The following DGKQ variants were observed in gnomAD, a reference collection of about 807,000 sequenced individuals.
The protein encoded by DGKQ is DAG kinase theta.
Under a neutral mutation model 104.2 loss-of-function variants are expected in DGKQ, and 97 were observed. The ratio of observed to expected loss-of-function variants is 0.93; its 90% CI spans 0.79 to 1.10. DGKQ has a LOEUF of 1.10. DGKQ is among the 50% of genes least tolerant of loss of function. The probability of loss-of-function intolerance (pLI) is 0.00; values close to 1 mark genes in which losing one functional copy is unlikely to be tolerated. For synonymous variants in DGKQ, 736 were observed against 595.2 expected, an observed-to-expected ratio of 1.24 and a Z score of -3.44; for missense variants, 1,465 against 1,352.1, an observed-to-expected ratio of 1.08 and a Z score of -1.31.
chr4:967,006 G>GAGGTCACTC lies in DGKQ; in HGVS notation c.1268_1269insGAGTGACCT (p.Ala423_Arg424insSerAspLeu). On this transcript the variant is annotated inframe_insertion, in exon 10 of 23. Transcript: ENST00000273814. ...GCAGGACCTCCAGCACCACAGAGCG[G>GAGGTCACTC]GCCGTGCTCTTCGGGGTCACTCGCA... is the stretch of plus-strand genomic sequence containing the variant. The GAGGTCACTC allele has an allele frequency of 1.9e-6, 3 of 1,565,572 alleles. No homozygotes were observed. Among genetic ancestry groups the GAGGTCACTC allele is most frequent in the Non-Finnish European group, 2.6e-6 (3 of 1,157,520 alleles).
At position 973,339 on chromosome 4, in the gene DGKQ, C is replaced by T. The variant is rs772543372; in HGVS notation, c.144G>A (p.Ala48=). 1 of 1,385,910 alleles carries T rather than the reference C, an allele frequency of 7.2e-7. No homozygotes were observed. The highest frequency in any genetic ancestry group is 1.6e-5 in the South Asian group (1 of 64,312). The allele number at this position is 1,385,910 out of a possible 1,614,324, so 85.9% of individuals were successfully genotyped here. Residue 48 remains alanine, a synonymous_variant, in exon 1 of 23, where the codon GCG becomes GCA. Coordinates refer to ENST00000273814, the MANE Select transcript of DGKQ (RefSeq NM_001347.4). ...GPGPGPGPER[A]GVRAPGPAAA... ...CAGCGGGGCCCGGGGCTCTGACGCC[C>T]GCCCGCTCGGGTCCCGGCCCCGGCC... is the stretch of plus-strand genomic sequence containing the variant.
rs752917637 is a variant in DGKQ at position 960,764 on chromosome 4, A to T, written c.2728-43T>A. 6.9e-6 allele frequency: 11 copies of T among 1,602,730 alleles called. No individual in the cohort carries two copies. The South Asian group carries it at 1.1e-4, about 16-fold the overall frequency. ...ACAGAGGACCAGGGTGACATGGCCG[A>T]TGAAAGAACGGTACACGGGCAGCCC... On this transcript the variant is annotated intron_variant, in intron 22 of 22. Coordinates refer to ENST00000273814, the MANE Select transcript of DGKQ (RefSeq NM_001347.4).
intron 2 of DGKQ, 36 bp from the exon 3 acceptor site, chr4:968,946 G>C (rs766739093): frequency 1.4e-6 from 2 of 1,420,512 alleles, no homozygotes; most frequent in Non-Finnish European, 1.9e-6. Context: ...CCCTTGGTAA[G>C]GGCAACAGGC....
chr4:968,263 T>TCCACCTCCCAGCGC lies in DGKQ; in HGVS notation c.663+18_663+19insGCGCTGGGAGGTGG. On this transcript the variant is annotated intron_variant, in intron 5 of 22. Transcript: ENST00000273814. ...CCTCTCCTGCCCCACCCCCACCCCCTCGACTTCCCAGCGCCCACCTGGACC... is the reference window on the plus strand; with the variant it reads ...CCTCTCCTGCCCCACCCCCACCCCCTCCACCTCCCAGCGCCGACTTCCCAGCGCCCACCTGGACC... 2.3e-6 allele frequency: 1 copy of TCCACCTCCCAGCGC among 425,780 alleles called. No homozygotes were observed. The allele number at this position is 425,780 out of a possible 1,614,324, so 26.4% of individuals were successfully genotyped here.
At position 959,660 on chromosome 4, in the gene DGKQ, G is replaced by A. The variant is rs1378475613; in HGVS notation, c.*960C>T. 2 of 152,418 alleles carry A rather than the reference G, an allele frequency of 1.3e-5. No homozygotes were observed. Among genetic ancestry groups the A allele is most frequent in the Non-Finnish European group, 1.5e-5 (1 of 68,156 alleles). The allele number at this position is 152,418 out of a possible 1,614,324, so 9.4% of individuals were successfully genotyped here. A position where few individuals can be genotyped will look rare whatever the true frequency, so the allele number is the denominator to read the frequency against. On this transcript the variant is annotated 3_prime_UTR_variant, in exon 23 of 23. Transcript: ENST00000273814. ...GCACTGGGAACTGCACATCAACAGC[G>A]GGCAAGCAGCGTGGAAAGTGCTAGC... is the stretch of plus-strand genomic sequence containing the variant.
In DGKQ at chr4:966,098, G is replaced by A. The variant is rs750997146; in HGVS notation, c.1429-20C>T. On this transcript the variant is annotated intron_variant, in intron 12 of 22. Coordinates refer to ENST00000273814, the MANE Select transcript of DGKQ (RefSeq NM_001347.4). ...AGACATCTGCAGGGAGAGGGGCGGG[G>A]ATGCTGGGCCGGGGAGAACGGCACC... The A allele has an allele frequency of 6.3e-7, 1 of 1,584,520 alleles. No homozygotes were observed. The highest frequency in any genetic ancestry group is 8.6e-7 in the Non-Finnish European group (1 of 1,163,966).
rs577831764 is a variant in DGKQ, at chr4:960,253, T to C, written c.*367A>G. 37 of 289,550 alleles carry C rather than the reference T, an allele frequency of 1.3e-4. No homozygotes were observed. In the Admixed American group the frequency reaches 1.4e-3, roughly 11 times the overall value. 17.9% of individuals were successfully genotyped at this position (289,550 alleles called of 1,614,324 possible). Reference sequence around the variant, plus strand: ...ATCAGACCCACCTGGACGGCCTGCATCCAGCACTGTCCAGCTCAAGGGGCT... The same window carrying C: ...ATCAGACCCACCTGGACGGCCTGCACCCAGCACTGTCCAGCTCAAGGGGCT... On this transcript the variant is annotated 3_prime_UTR_variant, in exon 23 of 23. Transcript: ENST00000273814.
Position 967,943 on chromosome 4 carries a change from G to T in DGKQ, c.748C>A (p.Arg250Ser), listed in dbSNP as rs992459413. 7 of 1,479,344 alleles carry T rather than the reference G, an allele frequency of 4.7e-6. No homozygotes were observed. The highest frequency in any genetic ancestry group is 3.6e-6 in the Non-Finnish European group (4 of 1,123,370). 91.6% of individuals were successfully genotyped at this position (1,479,344 alleles called of 1,614,324 possible). The change falls in exon 6 of 23, where the codon CGC (arginine) becomes AGC (serine). Residue 250 changes from arginine to serine, a missense_variant. Coordinates refer to ENST00000273814, the MANE Select transcript of DGKQ (RefSeq NM_001347.4). ...RSLVLPPACV[R>S]LLPGGFSKTQ... is the part of the protein sequence containing the mutation. Reference sequence around the variant, plus strand: ...TTGCTGAAGCCGCCGGGCAGAAGGCGCACGCACGCGGGAGGCAGGACCAGG... The same window carrying T: ...TTGCTGAAGCCGCCGGGCAGAAGGCTCACGCACGCGGGAGGCAGGACCAGG...
chr4:961,817 A>G lies in DGKQ; in HGVS notation c.2333T>C (p.Val778Ala). The change falls in exon 20 of 23, where the codon GTG (valine) becomes GCG (alanine). Residue 778 changes from valine (V) to alanine (A), a missense_variant. Transcript: ENST00000273814. The stretch of plus-strand genomic sequence containing the variant: ...CTTCTGCAGCCCCACCCGCACGTAC[A>G]CACCCTTGTTGTGCAGCCTGCAGGA... ...KFTSRLHNKG[V>A]YVRVGLQKIS... The G allele has an allele frequency of 6.2e-7, 1 of 1,604,414 alleles. No individual in the cohort carries two copies. The highest frequency in any genetic ancestry group is 1.3e-5 in the African/African-American group (1 of 74,958).
At position 967,009 on chromosome 4, in the gene DGKQ, C is replaced by A; in HGVS notation, c.1266G>T (p.Thr422=). 5.8e-6 allele frequency: 9 copies of A among 1,564,936 alleles called. No individual in the cohort carries two copies. The highest frequency in any genetic ancestry group is 6.9e-6 in the Non-Finnish European group (8 of 1,157,104). ...GGACCTCCAGCACCACAGAGCGGGC[C>A]GTGCTCTTCGGGGTCACTCGCACGG... ...YVSVRVTPKS[T]ARSVVLEVLP... is the part of the protein sequence containing the mutation. The change falls in exon 10 of 23, where the codon ACG becomes ACT. Residue 422 remains threonine (T), a synonymous_variant. Transcript: ENST00000273814.
chr4:965,840 C>A (rs912105453), intron 13 of DGKQ, 88 bp downstream of exon 13: 17 of 1,403,216 alleles, frequency 1.2e-5, no homozygotes, highest in Non-Finnish European at 1.5e-5. Flanking sequence ...CAAGGAGAGG[C>A]AGGAGCCGGC....
At chr4:968,602 C>CG (rs1560519368) in intron 3 of DGKQ, 38 bp from the exon 4 acceptor site, 4 of 1,549,932 alleles carry the variant, frequency 2.6e-6, no homozygotes, top group Non-Finnish European at 3.5e-6. Context: ...CTGCCGCCCC[C>CG]GGAGGACCCC....
chr4:961,679 C>T lies in DGKQ; in HGVS notation c.2462+9G>A, dbSNP rs781010419. 1.6e-5 allele frequency: 26 copies of T among 1,612,228 alleles called. No individual in the cohort carries two copies. The highest frequency in any genetic ancestry group is 9.9e-5 in the South Asian group (9 of 91,078). On this transcript the variant is annotated intron_variant, in intron 20 of 22. Coordinates refer to ENST00000273814, the MANE Select transcript of DGKQ (RefSeq NM_001347.4). ...GGCAGAGCCTCTGGGGAGCCCCGCC[C>T]GCGAGCACCTGGGGATGTTGATGAA...
intron 16 of DGKQ, 76 bp downstream of exon 16, chr4:963,063 G>A (rs1044318424): frequency 1.0e-5 from 15 of 1,507,288 alleles, no homozygotes; most frequent in Admixed American, 6.3e-5. Flanking sequence ...CCTGCCGGCC[G>A]AGACAGCTGT....
chr4:960,623 C>T lies in DGKQ; in HGVS notation c.2826G>A (p.Arg942=), dbSNP rs1414875708. 1.2e-6 allele frequency: 2 copies of T among 1,611,274 alleles called. No homozygotes were observed. Among genetic ancestry groups the T allele is most frequent in the Admixed American group, 1.7e-5 (1 of 60,004 alleles). The change falls in exon 23 of 23, where the codon AGG becomes AGA. Residue 942 remains arginine, a synonymous_variant. Coordinates refer to ENST00000273814, the MANE Select transcript of DGKQ (RefSeq NM_001347.4). ...CCTTGGGCTGCCCCAGCCACCCCTA[C>T]CTAGGATCGCTCTCAGGGGCAGGCG... The part of the protein sequence containing the change: ...DAAPAPESDP[R]
chr4:967,027 T>A lies in DGKQ; in HGVS notation c.1248A>T (p.Arg416=). 6.4e-7 allele frequency: 1 copy of A among 1,562,940 alleles called. No individual in the cohort carries two copies. Among genetic ancestry groups the A allele is most frequent in the Admixed American group, 1.9e-5 (1 of 53,554 alleles). Reference sequence around the variant, plus strand: ...AGCGGGCCGTGCTCTTCGGGGTCACTCGCACGGACACGTAGGCCACGCCCA... The same window carrying A: ...AGCGGGCCGTGCTCTTCGGGGTCACACGCACGGACACGTAGGCCACGCCCA... ...LKVGVAYVSV[R]VTPKSTARSV... Residue 416 remains arginine (R), a synonymous_variant, in exon 10 of 23, where the codon CGA becomes CGT. Coordinates refer to ENST00000273814, the MANE Select transcript of DGKQ (RefSeq NM_001347.4).
Position 965,967 on chromosome 4 carries a change from CCT to C in DGKQ, c.1538_1539del (p.Glu513GlyfsTer8), listed in dbSNP as rs1712288406. On this transcript the variant is annotated frameshift_variant, in exon 13 of 23. Coordinates refer to ENST00000273814, the MANE Select transcript of DGKQ (RefSeq NM_001347.4). LOFTEE classifies it high-confidence loss of function. ...VGGLPPGLSP[E>X]EYSSLLHEAG... ...GCCTCATGCAGCAGGCTGCTGTACTCCTCGGGAGACAGGCCGGGAGGCAGGCC... is the reference window on the plus strand; with the variant it reads ...GCCTCATGCAGCAGGCTGCTGTACTCCGGGAGACAGGCCGGGAGGCAGGCC... The C allele has an allele frequency of 6.2e-7, 1 of 1,605,416 alleles. No homozygotes were observed. Among genetic ancestry groups the C allele is most frequent in the Non-Finnish European group, 8.5e-7 (1 of 1,176,802 alleles).
intron 18 of DGKQ, 143 bp downstream of exon 18, chr4:962,292 C>T (rs1209073257): frequency 2.0e-6 from 2 of 990,360 alleles, no homozygotes; most frequent in Non-Finnish European, 2.9e-6. Flanking sequence ...CTTTCTGTGT[C>T]TCCCTCAACT....
chr4:970,333 A>G (rs1712831451), intron 2 of DGKQ, among the ~76,000 whole-genome samples: 1 of 152,252 alleles, frequency 6.6e-6, no homozygotes, highest in Non-Finnish European at 1.5e-5. Flanking sequence ...CGACGCTGAC[A>G]GCTGAGGGAG....
Sources: gnomAD v4.1 joint callset for allele counts (sites outside exome capture counted in the v4.1 genomes callset) on GRCh38, gnomAD v4.1.1 for gene constraint, MANE v1.5 for transcripts, NCBI Gene and HGNC (gene_info 2026-07-23, HGNC 2026-07-21) for gene names.